Variants in FBXO4 observed in about 807,000 individuals in gnomAD.
FBXO4 encodes F-box only protein 4.
In FBXO4, 36 loss-of-function variants were observed where a neutral mutation model predicts 43.7. That is an observed-to-expected ratio of 0.82 (90% CI 0.63 to 1.09). FBXO4 has a LOEUF of 1.09. Ranked by LOEUF, FBXO4 falls within the 50% of genes least tolerant of loss-of-function variation. The probability of loss-of-function intolerance (pLI) is 0.00; values close to 1 mark genes in which losing one functional copy is unlikely to be tolerated. For missense variants in FBXO4, 435 were observed against 474.1 expected (o/e 0.92, Z 0.77); for synonymous variants, 180 against 165.6 (o/e 1.09, Z -0.67).
chr5:41,975,228 G>T, the FBXO4 span, among the ~76,000 whole-genome samples: 1 of 152,154 alleles, frequency 6.6e-6, no homozygotes, highest in African/African-American at 2.4e-5. Context: ...CTGACATCTG[G>T]CTTTGTCTGC....
chr5:41,989,755 C>T, the FBXO4 span, among the ~76,000 whole-genome samples: 1 of 152,146 alleles, frequency 6.6e-6, no homozygotes, highest in Non-Finnish European at 1.5e-5. Context: ...CCCATTGCTT[C>T]CCCTATCATC....
At chr5:41,964,730 G>C in the FBXO4 span, among the ~76,000 whole-genome samples, 1 of 151,728 alleles carries the variant, frequency 6.6e-6, no homozygotes, top group Non-Finnish European at 1.5e-5. Context: ...TGATGGGGTT[G>C]TTTGTTTTTT....
chr5:42,017,100 TATAAC>T, the FBXO4 span, among the ~76,000 whole-genome samples: 2 of 152,014 alleles, frequency 1.3e-5, no homozygotes, highest in East Asian at 1.9e-4. Flanking sequence ...ATAGTATAGA[TATAAC>T]ATATGTATCT....
chr5:41,997,086 T>C, the FBXO4 span, among the ~76,000 whole-genome samples: 1 of 152,196 alleles, frequency 6.6e-6, no homozygotes. Flanking sequence ...GCCTTGCCAG[T>C]GGGAGGCAAA....
chr5:41,988,333 A>T, the FBXO4 span, among the ~76,000 whole-genome samples: 1 of 152,094 alleles, frequency 6.6e-6, no homozygotes, highest in Non-Finnish European at 1.5e-5. Context: ...AATAGTTTCT[A>T]CTGAGGGCAG....
chr5:42,012,650 G>A, the FBXO4 span, among the ~76,000 whole-genome samples: 2 of 152,306 alleles, frequency 1.3e-5, no homozygotes, highest in East Asian at 1.9e-4. Context: ...GGGAACAAGA[G>A]CTGTCTTCGG....
the FBXO4 span, among the ~76,000 whole-genome samples, chr5:42,004,843 A>T: frequency 6.6e-6 from 1 of 152,114 alleles, no homozygotes; most frequent in African/African-American, 2.4e-5. Context: ...TCGACTCTAC[A>T]ATTCTTAGTG....
chr5:42,015,939 G>A, the FBXO4 span, among the ~76,000 whole-genome samples: 1 of 152,110 alleles, frequency 6.6e-6, no homozygotes, highest in African/African-American at 2.4e-5. Flanking sequence ...AGCCAAGCAA[G>A]CTAAAAGGGA....
At chr5:41,970,973 T>C in the FBXO4 span, among the ~76,000 whole-genome samples, 2 of 151,948 alleles carry the variant, frequency 1.3e-5, no homozygotes, top group South Asian at 2.1e-4. Flanking sequence ...TAATCAATTA[T>C]AAGAAATTTA....
At chr5:41,996,148 C>A in the FBXO4 span, among the ~76,000 whole-genome samples, 1 of 152,196 alleles carries the variant, frequency 6.6e-6, no homozygotes, top group Non-Finnish European at 1.5e-5. Context: ...ATTTGAGCCA[C>A]TTCCTCATGT....
the FBXO4 span, among the ~76,000 whole-genome samples, chr5:42,011,840 T>C: frequency 6.6e-6 from 1 of 152,238 alleles, no homozygotes; most frequent in Non-Finnish European, 1.5e-5. Flanking sequence ...CTATCATTTA[T>C]AGATGGACAT....
the FBXO4 span, among the ~76,000 whole-genome samples, chr5:41,997,189 G>A: frequency 6.6e-6 from 1 of 152,200 alleles, no homozygotes; most frequent in Non-Finnish European, 1.5e-5. Flanking sequence ...GTGTTAATTA[G>A]CTCAAGCAAT....
chr5:41,968,004 G>A, the FBXO4 span: 3 of 432,842 alleles, frequency 6.9e-6, no homozygotes, highest in African/African-American at 4.1e-5. Flanking sequence ...TGTTGCCAGA[G>A]GCCACCTGCT....
the FBXO4 span, among the ~76,000 whole-genome samples, chr5:41,966,802 C>T: frequency 1.3e-5 from 2 of 152,054 alleles, no homozygotes; most frequent in East Asian, 1.9e-4. Flanking sequence ...ATAGGAATAG[C>T]ACTAGAGAAG....
the FBXO4 span, among the ~76,000 whole-genome samples, chr5:41,950,634 C>T: frequency 1.3e-5 from 2 of 152,132 alleles, no homozygotes. Flanking sequence ...ATTAGTTCAA[C>T]CATTGTGGAA....
At chr5:42,017,078 A>C in the FBXO4 span, among the ~76,000 whole-genome samples, 1 of 152,052 alleles carries the variant, frequency 6.6e-6, no homozygotes. Flanking sequence ...CTTTTATTAT[A>C]GTATATCGTA....
At chr5:42,039,782 A>G in the FBXO4 span, among the ~76,000 whole-genome samples, 1 of 152,152 alleles carries the variant, frequency 6.6e-6, no homozygotes, top group African/African-American at 2.4e-5. Context: ...AATCAATTTG[A>G]CTTTAAATTA....
chr5:42,023,516 A>T, the FBXO4 span, among the ~76,000 whole-genome samples: 1 of 152,088 alleles, frequency 6.6e-6, no homozygotes, highest in South Asian at 2.1e-4. Context: ...TAAGCCAGTC[A>T]TTCTTTCCTA....
At chr5:41,983,236 GGAGT>G in the FBXO4 span, among the ~76,000 whole-genome samples, 1 of 152,070 alleles carries the variant, frequency 6.6e-6, no homozygotes, top group African/African-American at 2.4e-5. Flanking sequence ...TATTTTTAAA[GGAGT>G]GATACCTATA....
Sources: allele counts gnomAD v4.1 joint callset (sites outside exome capture counted in the v4.1 genomes callset), GRCh38; gene constraint gnomAD v4.1.1; transcripts MANE v1.5; gene names NCBI Gene and HGNC (gene_info 2026-07-23, HGNC 2026-07-21).